Variants in FANCL observed in about 807,000 individuals in gnomAD.
FANCL encodes E3 ubiquitin-protein ligase FANCL.
A neutral mutation model predicts 59.4 loss-of-function variants in FANCL; 69 were observed. The observed-to-expected ratio is 1.16, with a 90% CI of 0.96 to 1.42. The LOEUF (loss-of-function observed/expected upper bound fraction) is 1.42, where lower values mean the gene tolerates loss of function less well. Ranked by LOEUF, FANCL falls within the 40% of genes most tolerant of loss-of-function variation. The pLI, the probability that FANCL is intolerant of heterozygous loss-of-function variation, is 0.00. For synonymous variants in FANCL, 180 were observed against 147.1 expected (o/e 1.22, Z -1.62); for missense variants, 519 against 447.2 (o/e 1.16, Z -1.45).
At chr2:58,203,531 G>C (rs1690261384) in intron 6 of FANCL, among the ~76,000 whole-genome samples, 1 of 151,778 alleles carries the variant, frequency 6.6e-6, no homozygotes, top group East Asian at 1.9e-4. Flanking sequence ...TCACAATTTA[G>C]AACTAAAAAA....
In FANCL at chr2:58,241,253, A is replaced by G. The variant is rs1694517131; in HGVS notation, c.61T>C (p.Ser21Pro). Residue 21 changes from serine to proline, a missense_variant, in exon 1 of 14, where the codon TCG (serine) becomes CCG (proline). By Grantham distance (74) the Ser-to-Pro change is moderately conservative. Transcript: ENST00000233741. ...QCPLLLPQNR[S>P]KTVYEGFISA... ...ATGAATCCCTCATACACGGTTTTCG[A>G]CCGGTTCTGGGGCAGAAGCAGGGGG... The G allele has an allele frequency of 6.2e-7, 1 of 1,614,076 alleles. No individual in the cohort carries two copies. Among genetic ancestry groups the G allele is most frequent in the African/African-American group, 1.3e-5 (1 of 74,936 alleles).
chr2:58,219,065 T>A (rs1235703699), intron 5 of FANCL, among the ~76,000 whole-genome samples: 1 of 142,258 alleles, frequency 7.0e-6, no homozygotes. Flanking sequence ...CAGGACTCCT[T>A]GGAAAAATGG....
chr2:58,224,979 T>C (rs1692841834), intron 4 of FANCL, among the ~76,000 whole-genome samples: 2 of 151,936 alleles, frequency 1.3e-5, no homozygotes, highest in African/African-American at 4.8e-5. Context: ...ATCCAAATAC[T>C]ATTTCCCACA....
chr2:58,235,244 C>G (rs1266965761), intron 1 of FANCL, among the ~76,000 whole-genome samples: 1 of 152,118 alleles, frequency 6.6e-6, no homozygotes. Context: ...CAGCTGAGTA[C>G]TGCTTGCTCC....
chr2:58,170,243 A>C (rs1686433675), intron 7 of FANCL, among the ~76,000 whole-genome samples: 1 of 152,214 alleles, frequency 6.6e-6, no homozygotes, highest in Non-Finnish European at 1.5e-5. Context: ...AATATTCTTA[A>C]AGAAAAGAAT....
chr2:58,182,556 G>T (rs73944827), intron 7 of FANCL, among the ~76,000 whole-genome samples: 3,809 of 151,810 alleles, frequency 0.025, 163 homozygotes, highest in African/African-American at 0.088. Context: ...CAATAAATTT[G>T]TAAGAAATAA....
chr2:58,234,231 A>C (rs1438944939), intron 1 of FANCL, among the ~76,000 whole-genome samples: 1 of 152,100 alleles, frequency 6.6e-6, no homozygotes, highest in Non-Finnish European at 1.5e-5. Flanking sequence ...ATAATAAATG[A>C]AATAAGTGAG....
chr2:58,223,532 C>T (rs1454829248), intron 4 of FANCL, among the ~76,000 whole-genome samples: 1 of 151,928 alleles, frequency 6.6e-6, no homozygotes, highest in Admixed American at 6.6e-5. Context: ...TATTCTGAGT[C>T]AGGTAAGTTA....
chr2:58,165,684 A>G, intron 8 of FANCL, 40 bp downstream of exon 8: 1 of 1,612,606 alleles, frequency 6.2e-7, no homozygotes, highest in Non-Finnish European at 8.5e-7. Context: ...ATACAAAATA[A>G]AACACCTAAA....
chr2:58,207,752 A>G (rs1419792505), intron 5 of FANCL, among the ~76,000 whole-genome samples: 3 of 152,188 alleles, frequency 2.0e-5, no homozygotes, highest in Non-Finnish European at 2.9e-5. Context: ...GTATCAAATC[A>G]GTTTGTCTAA....
intron 7 of FANCL, among the ~76,000 whole-genome samples, chr2:58,181,701 T>C (rs1687955936): frequency 6.6e-6 from 1 of 152,120 alleles, no homozygotes; most frequent in Admixed American, 6.6e-5. Flanking sequence ...CAAATTTAGA[T>C]GGTGGATACA....
intron 4 of FANCL, among the ~76,000 whole-genome samples, chr2:58,222,988 A>ATT (rs1265177948): frequency 3.4e-5 from 5 of 148,968 alleles, no homozygotes; most frequent in Admixed American, 3.3e-4. Flanking sequence ...GTTTAATCTT[A>ATT]TTTTTTAAGT....
At chr2:58,219,954 T>G (rs904849666) in intron 5 of FANCL, among the ~76,000 whole-genome samples, 2 of 152,172 alleles carry the variant, frequency 1.3e-5, no homozygotes, top group Non-Finnish European at 2.9e-5. Flanking sequence ...GACTATTTCA[T>G]ACAACATCCT....
intron 7 of FANCL, among the ~76,000 whole-genome samples, chr2:58,190,341 C>A (rs1346950772): frequency 6.6e-6 from 1 of 151,784 alleles, no homozygotes; most frequent in African/African-American, 2.4e-5. Context: ...GTGTAGCCAT[C>A]ACAGAGTAAC....
rs1232884411 is a variant in FANCL, at chr2:58,160,117, A to C, written c.1083T>G (p.Tyr361Ter). Residue 361 changes from tyrosine (Y) to a stop codon, truncating the protein, a stop_gained, in exon 13 of 14, where the codon TAT (tyrosine) becomes TAG (stop). Transcript: ENST00000233741. LOFTEE classifies it high-confidence loss of function. The stretch of plus-strand genomic sequence containing the variant: ...TTAACAATTTGCTTACCTTACTACA[A>C]TATGGACATTCACCAAATATGATGT... ...SFNIIFGECP[Y>*]CSKPITLKMS... 6.2e-7 allele frequency: 1 copy of C among 1,612,570 alleles called. No homozygotes were observed. The highest frequency in any genetic ancestry group is 8.5e-7 in the Non-Finnish European group (1 of 1,178,928).
At chr2:58,224,861 A>T (rs1692831721) in intron 4 of FANCL, among the ~76,000 whole-genome samples, 1 of 151,972 alleles carries the variant, frequency 6.6e-6, no homozygotes, top group African/African-American at 2.4e-5. Context: ...GTAAATATCA[A>T]TACAAACTCA....
chr2:58,224,499 T>C (rs1239451554), intron 4 of FANCL, among the ~76,000 whole-genome samples: 2 of 151,870 alleles, frequency 1.3e-5, no homozygotes, highest in African/African-American at 4.8e-5. Context: ...ATTATTCTAA[T>C]CTCACACATT....
At chr2:58,169,538 GGACA>G (rs1686323718) in intron 7 of FANCL, among the ~76,000 whole-genome samples, 1 of 152,030 alleles carries the variant, frequency 6.6e-6, no homozygotes, top group African/African-American at 2.4e-5. Flanking sequence ...GAACAAAACT[GGACA>G]GAGAATGAGT....
At chr2:58,186,807 A>G (rs1416012736) in intron 7 of FANCL, among the ~76,000 whole-genome samples, 1 of 152,196 alleles carries the variant, frequency 6.6e-6, no homozygotes, top group African/African-American at 2.4e-5. Context: ...CACCACCACG[A>G]AGCTGACTGA....
Sources: allele counts gnomAD v4.1 joint callset (sites outside exome capture counted in the v4.1 genomes callset), GRCh38; gene constraint gnomAD v4.1.1; transcripts MANE v1.5; gene names NCBI Gene and HGNC (gene_info 2026-07-23, HGNC 2026-07-21).